NHS: variants seen among roughly 807,000 people sequenced by gnomAD.
NHS encodes NHS actin remodeling regulator, also known as actin remodeling regulator NHS.
NHS carries 5 observed loss-of-function variants against 72.5 expected under a neutral mutation model. The ratio of observed to expected loss-of-function variants is 0.07; its 90% confidence interval spans 0.04 to 0.14. NHS has a LOEUF of 0.14. NHS is among the 10% of genes least tolerant of loss of function. The pLI, the probability that NHS is intolerant of heterozygous loss-of-function variation, is 1.00. For synonymous variants in NHS, 464 were observed against 547.7 expected (o/e 0.85, Z 2.13); for missense variants, 1,072 against 1,355.7 (o/e 0.79, Z 3.29).
In NHS at chrX:17,731,910, A is replaced by G; in HGVS notation, c.4402A>G (p.Ser1468Gly). The G allele has an allele frequency of 8.3e-7, 1 of 1,210,212 alleles. No individual in the cohort carries two copies. Among genetic ancestry groups the G allele is most frequent in the Non-Finnish European group, 1.1e-6 (1 of 894,464 alleles). ...AGATTCCGGGGACATGTCTGTTCGA[A>G]GCAAATCGAGAGCTCCCCTCAGCAG... ...RKDSGDMSVRSKSRAPLSSSS... is the reference protein window; with the variant it reads ...RKDSGDMSVRGKSRAPLSSSS... The change falls in exon 9 of 9, where the codon AGC becomes GGC. Residue 1468 changes from serine to glycine, a missense_variant. Physicochemically the swap from Ser to Gly is moderately conservative, Grantham distance 56 (BLOSUM62 0). Coordinates refer to ENST00000676302, the MANE Select transcript of NHS (RefSeq NM_001291867.2).
Position 17,375,366 on chromosome X carries a change from C to G in NHS, c.-392C>G. 1 of 374,040 alleles carries G rather than the reference C, an allele frequency of 2.7e-6. No individual in the cohort carries two copies. The allele number at this position is 374,040 out of a possible 1,213,427, so 30.8% of individuals were successfully genotyped here. A position where few individuals can be genotyped will look rare whatever the true frequency, so the allele number is the denominator to read the frequency against. ...ACCCACCCACCCACTCACCCACACA[C>G]ACACAGACACACGCACGCCCATTTA... On this transcript the variant is annotated 5_prime_UTR_variant, in exon 1 of 9. Transcript: ENST00000676302.
intron 3 of NHS, among the ~76,000 whole-genome samples, chrX:17,718,206 A>G (rs1181697968): frequency 9.1e-6 from 1 of 109,601 alleles, no homozygotes; most frequent in African/African-American, 3.3e-5. Flanking sequence ...AGGTTGAGGA[A>G]TTGCCCCTGG....
rs1491203765 is a variant in NHS, at chrX:17,615,205, T to TATATATACGTATATATATACAC, written c.566-72530_566-72529insCGTATATATATACACATATATA. On this transcript the variant is annotated intron_variant, in intron 1 of 8. Coordinates refer to ENST00000676302, the MANE Select transcript of NHS (RefSeq NM_001291867.2). ...TATAGTATATATACACATATATACGTATATATATACGTATATATACACATA... is the reference window on the plus strand; with the variant it reads ...TATAGTATATATACACATATATACGTATATATACGTATATATATACACATATATATACGTATATATACACATA... Among the ~76,000 whole-genome samples the TATATATACGTATATATATACAC allele has an allele frequency of 6.1e-4, 54 of 88,732 alleles. 1 individual carries two copies. The highest frequency in any genetic ancestry group is 2.6e-3 in the African/African-American group (50 of 18,922). 77.1% of individuals were successfully genotyped at this position (88,732 alleles called of 115,157 possible). A position where few individuals can be genotyped will look rare whatever the true frequency, so the allele number is the denominator to read the frequency against.
chrX:17,455,373 A>G (rs928036057), intron 1 of NHS, among the ~76,000 whole-genome samples: 17 of 111,775 alleles, frequency 1.5e-4, no homozygotes, highest in Non-Finnish European at 2.8e-4. Flanking sequence ...ATTTACTATC[A>G]CCAACATCAT....
intron 1 of NHS, among the ~76,000 whole-genome samples, chrX:17,430,962 A>G (rs749769316): frequency 8.9e-6 from 1 of 112,252 alleles, no homozygotes; most frequent in East Asian, 2.8e-4. Context: ...TTGTGTGGAC[A>G]TATGTTCTCA....
chrX:17,439,570 C>T (rs1244209133), intron 1 of NHS, among the ~76,000 whole-genome samples: 3 of 111,819 alleles, frequency 2.7e-5, no homozygotes, highest in African/African-American at 6.5e-5. Context: ...TTTTGCTCAA[C>T]GTTATGTATG....
chrX:17,674,601 CA>C (rs2066068925), intron 1 of NHS, among the ~76,000 whole-genome samples: 1 of 112,373 alleles, frequency 8.9e-6, no homozygotes, highest in Non-Finnish European at 1.9e-5. Flanking sequence ...GGAGGCTACT[CA>C]TAGCTTCTGA....
intron 1 of NHS, among the ~76,000 whole-genome samples, chrX:17,567,508 TC>T (rs1340042259): frequency 9.0e-6 from 1 of 111,428 alleles, no homozygotes; most frequent in Non-Finnish European, 1.9e-5. Context: ...ATCTATAGCT[TC>T]AAAGGAAAAA....
intron 1 of NHS, among the ~76,000 whole-genome samples, chrX:17,465,136 A>G (rs1431245301): frequency 3.6e-5 from 4 of 111,937 alleles, no homozygotes; most frequent in Admixed American, 2.8e-4. Context: ...AAGGAGATCT[A>G]TGTCTCCAGG....
At chrX:17,450,601 C>T (rs370440154) in intron 1 of NHS, among the ~76,000 whole-genome samples, 21 of 112,110 alleles carry the variant, frequency 1.9e-4, no homozygotes, top group Non-Finnish European at 3.6e-4. Context: ...CTGGGCCGGG[C>T]GTGGTGGCTC....
At position 17,732,526 on chromosome X, in the gene NHS, C is replaced by T. The variant is rs767206436; in HGVS notation, c.*62C>T. On this transcript the variant is annotated 3_prime_UTR_variant, in exon 9 of 9. Transcript: ENST00000676302. Reference sequence around the variant, plus strand: ...CCTTACTCACATGAGGATGGAGGAACAGAACAGAGGACTTGGGAAAAGTCT... The same window carrying T: ...CCTTACTCACATGAGGATGGAGGAATAGAACAGAGGACTTGGGAAAAGTCT... 9.3e-5 allele frequency: 112 copies of T among 1,204,366 alleles called. No homozygotes were observed. The highest frequency in any genetic ancestry group is 1.2e-4 in the Non-Finnish European group (107 of 889,545).
intron 1 of NHS, among the ~76,000 whole-genome samples, chrX:17,399,608 T>C (rs975630170): frequency 5.4e-5 from 6 of 111,590 alleles, no homozygotes; most frequent in African/African-American, 2.0e-4. Context: ...TCCACAAACA[T>C]TTATTGTTGA....
intron 1 of NHS, among the ~76,000 whole-genome samples, chrX:17,435,311 T>G (rs1212420103): frequency 1.8e-5 from 2 of 111,786 alleles, no homozygotes; most frequent in Non-Finnish European, 3.8e-5. Context: ...ACCTAGCTGT[T>G]ATGTGAGAGA....
chrX:17,437,792 T>C (rs1422050911), intron 1 of NHS, among the ~76,000 whole-genome samples: 6 of 111,674 alleles, frequency 5.4e-5, no homozygotes, highest in Non-Finnish European at 9.4e-5. Context: ...ATAACACATA[T>C]AAAGTACTTT....
chrX:17,697,334 C>T (rs1386985545), intron 3 of NHS, among the ~76,000 whole-genome samples: 1 of 111,739 alleles, frequency 8.9e-6, no homozygotes, highest in Non-Finnish European at 1.9e-5. Flanking sequence ...TGAACTTCAA[C>T]AAACTGACAG....
intron 1 of NHS, among the ~76,000 whole-genome samples, chrX:17,490,080 T>C (rs2064983872): frequency 8.9e-6 from 1 of 112,279 alleles, no homozygotes; most frequent in Non-Finnish European, 1.9e-5. Context: ...AGGTTGCCTG[T>C]TCACTCTGAT....
At chrX:17,450,642 G>A (rs186567468) in intron 1 of NHS, among the ~76,000 whole-genome samples, 3,789 of 112,185 alleles carry the variant, frequency 0.034, 165 homozygotes, top group African/African-American at 0.12. Context: ...TTGGGAGGCC[G>A]AGGCAGGTGG....
chrX:17,485,881 A>G (rs2064965444), intron 1 of NHS, among the ~76,000 whole-genome samples: 1 of 111,972 alleles, frequency 8.9e-6, no homozygotes, highest in Admixed American at 9.5e-5. Flanking sequence ...GATCCTGGCC[A>G]CTGACAGCCT....
At chrX:17,624,998 A>T (rs898048954) in intron 1 of NHS, among the ~76,000 whole-genome samples, 3 of 112,763 alleles carry the variant, frequency 2.7e-5, no homozygotes, top group African/African-American at 9.7e-5. Context: ...AATATTTATC[A>T]TATTAGAAAT....
Sources: allele counts gnomAD v4.1 joint callset (sites outside exome capture counted in the v4.1 genomes callset), GRCh38; gene constraint gnomAD v4.1.1; transcripts MANE v1.5; gene names NCBI Gene and HGNC (gene_info 2026-07-23, HGNC 2026-07-21).